BDNF: variants seen among roughly 807,000 people sequenced by gnomAD.
The protein encoded by BDNF is brain derived neurotrophic factor.
BDNF carries 1 observed loss-of-function variant against 19.5 expected under a neutral mutation model. The ratio of observed to expected loss-of-function variants is 0.05; its 90% CI spans 0.02 to 0.24. BDNF has a LOEUF of 0.24. BDNF is among the 10% of genes least tolerant of loss of function. The pLI is 1.00. For missense variants in BDNF, 195 were observed against 317.6 expected (o/e 0.61, Z 2.93); for synonymous variants, 100 against 121.6 (o/e 0.82, Z 1.17).
chr11:27,673,186 G>T (rs1444407031), intron 1 of BDNF, among the ~76,000 whole-genome samples: 2 of 150,968 alleles, frequency 1.3e-5, no homozygotes, highest in Non-Finnish European at 2.9e-5. Context: ...AGGAGATGTT[G>T]TGAAAGCCAG....
At chr11:27,684,777 G>A (rs1027543244) in intron 1 of BDNF, among the ~76,000 whole-genome samples, 1 of 152,142 alleles carries the variant, frequency 6.6e-6, no homozygotes, top group Non-Finnish European at 1.5e-5. Context: ...TAAGCTTTTT[G>A]ATGTGCTGCT....
At chr11:27,718,358 C>CG (rs1323286392) in intron 1 of BDNF, among the ~76,000 whole-genome samples, 5 of 144,208 alleles carry the variant, frequency 3.5e-5, no homozygotes, top group African/African-American at 9.9e-5. Flanking sequence ...CACACCACCC[C>CG]CCCCCGCCCC....
intron 1 of BDNF, among the ~76,000 whole-genome samples, chr11:27,664,380 T>TA (rs557254265): frequency 6.7e-4 from 102 of 152,222 alleles, no homozygotes; most frequent in Admixed American, 1.2e-3. Flanking sequence ...AGGACATACG[T>TA]AACTAGAATA....
chr11:27,720,605 G>A, intron 1 of BDNF: 1 of 985,586 alleles, frequency 1.0e-6, no homozygotes, highest in Non-Finnish European at 1.2e-6. Context: ...TTTTAAGGGC[G>A]ACACAGGGTT....
At chr11:27,680,126 A>G (rs1279219535) in intron 1 of BDNF, among the ~76,000 whole-genome samples, 5 of 152,120 alleles carry the variant, frequency 3.3e-5, no homozygotes, top group Non-Finnish European at 7.3e-5. Flanking sequence ...ATATTCTCTG[A>G]GCACAGGCAC....
At chr11:27,700,017 G>T in intron 1 of BDNF, 147 bp downstream of exon 1, 1 of 814,120 alleles carries the variant, frequency 1.2e-6, no homozygotes, top group Non-Finnish European at 1.5e-6. Context: ...CTCCCCAAGA[G>T]TAACTCCAAA....
At chr11:27,660,594 T>G (rs1359260526) in intron 1 of BDNF, among the ~76,000 whole-genome samples, 1 of 152,158 alleles carries the variant, frequency 6.6e-6, no homozygotes, top group Non-Finnish European at 1.5e-5. Context: ...AATAAAAGTT[T>G]GCAAATGTGG....
At chr11:27,689,249 G>T (rs1296107877) in intron 1 of BDNF, among the ~76,000 whole-genome samples, 1 of 152,186 alleles carries the variant, frequency 6.6e-6, no homozygotes, top group Non-Finnish European at 1.5e-5. Flanking sequence ...ACTAGGTTAG[G>T]TGAAGTCACT....
intron 1 of BDNF, among the ~76,000 whole-genome samples, chr11:27,717,746 A>G (rs1228546622): frequency 6.6e-6 from 1 of 152,088 alleles, no homozygotes; most frequent in African/African-American, 2.4e-5. Flanking sequence ...TCTTGCCTTC[A>G]TGCTGAAGAG....
At chr11:27,661,428 G>A (rs1342021948) in intron 1 of BDNF, among the ~76,000 whole-genome samples, 5 of 152,164 alleles carry the variant, frequency 3.3e-5, no homozygotes, top group Admixed American at 6.5e-5. Context: ...AGTCAGTAAA[G>A]ATGTCCTGTT....
At chr11:27,664,571 G>C (rs986477330) in intron 1 of BDNF, among the ~76,000 whole-genome samples, 7 of 152,120 alleles carry the variant, frequency 4.6e-5, no homozygotes, top group African/African-American at 1.7e-4. Context: ...TAGAGCCCAG[G>C]AATTCGAGAT....
At chr11:27,678,332 T>C (rs1379971938) in intron 1 of BDNF, among the ~76,000 whole-genome samples, 1 of 151,972 alleles carries the variant, frequency 6.6e-6, no homozygotes, top group East Asian at 1.9e-4. Flanking sequence ...TGGCCAAACA[T>C]AGGAGGGGAA....
intron 1 of BDNF, chr11:27,675,069 T>C: frequency 3.7e-6 from 1 of 269,274 alleles, no homozygotes; most frequent in Non-Finnish European, 5.7e-6. Context: ...TATGAACCAG[T>C]GCTGGCTTGC....
In BDNF at chr11:27,693,348, G is replaced by A. The variant is rs181880866; in HGVS notation, c.-22+6816C>T. On this transcript the variant is annotated intron_variant, in intron 1 of 1. Coordinates refer to ENST00000356660, the MANE Select transcript of BDNF (RefSeq NM_001709.5). ...CTTCCTTTCTACAATCTGCTGATAA[G>A]TCATCCCCTAAAACCGTGCCCGCAA... Among the ~76,000 whole-genome samples the A allele has an allele frequency of 6.3e-3, 953 of 152,234 alleles. 5 individuals are homozygous for A. Among genetic ancestry groups the A allele is most frequent in the Middle Eastern group, 0.014 (4 of 294 alleles).
intron 1 of BDNF, among the ~76,000 whole-genome samples, chr11:27,664,372 G>A (rs993510488): frequency 1.3e-5 from 2 of 152,032 alleles, no homozygotes; most frequent in Non-Finnish European, 2.9e-5. Context: ...AGGGAGGTAG[G>A]ACATACGTAA....
intron 1 of BDNF, among the ~76,000 whole-genome samples, chr11:27,684,645 CTATTGA>C: frequency 6.6e-6 from 1 of 152,310 alleles, no homozygotes. Context: ...TTTTCTGCAT[CTATTGA>C]AATAATCATG....
At chr11:27,700,539 C>G (rs1859811103), upstream of BDNF, 1 of 734,734 alleles carries the variant, frequency 1.4e-6, no homozygotes, top group Non-Finnish European at 1.6e-6. Context: ...CCCCCGCCCC[C>G]CGCCCCCCGC....
chr11:27,670,663 C>T (rs1855201661), intron 1 of BDNF, among the ~76,000 whole-genome samples: 1 of 152,150 alleles, frequency 6.6e-6, no homozygotes, highest in African/African-American at 2.4e-5. Flanking sequence ...AAAAAATGCT[C>T]ATCATCACTG....
chr11:27,674,313 C>T (rs895975911), intron 1 of BDNF: 4 of 1,548,900 alleles, frequency 2.6e-6, no homozygotes, highest in Non-Finnish European at 3.5e-6. Context: ...ATTTTTGCAT[C>T]CCACTCTATA....
Sources: gnomAD v4.1 joint callset for allele counts (sites outside exome capture counted in the v4.1 genomes callset) on GRCh38, gnomAD v4.1.1 for gene constraint, MANE v1.5 for transcripts, NCBI Gene and HGNC (gene_info 2026-07-23, HGNC 2026-07-21) for gene names.